GAB3: variants seen among roughly 807,000 people sequenced by gnomAD.
The protein encoded by GAB3 is GRB2-associated-binding protein 3.
GAB3 carries 12 observed loss-of-function variants against 40.4 expected under a neutral mutation model. That is an observed-to-expected ratio of 0.30 (90% confidence interval 0.19 to 0.48). The LOEUF is 0.48. GAB3 is among the 20% of genes least tolerant of loss of function. The pLI is 0.99. For synonymous variants in GAB3, 154 were observed against 176.7 expected (o/e 0.87, Z 1.02); for missense variants, 381 against 461.9 (o/e 0.82, Z 1.61).
intron 4 of GAB3, among the ~76,000 whole-genome samples, chrX:154,706,747 T>TA (rs200277618): frequency 0.09 from 9,325 of 103,663 alleles, 1,185 homozygotes; most frequent in African/African-American, 0.31. Context: ...ACCCTGCCTC[T>TA]AAAAAAAAAA....
At position 154,699,246 on chromosome X, in the gene GAB3, G is replaced by A. The variant is rs782815372; in HGVS notation, c.1345+48C>T. ...AGAAACCTTTTCTATGCAACCACCG[G>A]AACCTTGCTCCCCTACCCCTGTACA... On this transcript the variant is annotated intron_variant, in intron 6 of 9. Transcript: ENST00000424127. 3.8e-6 allele frequency: 4 copies of A among 1,050,523 alleles called. No homozygotes were observed. The African/African-American group carries it at 7.5e-5, about 20-fold the overall frequency. 86.6% of individuals were successfully genotyped at this position (1,050,523 alleles called of 1,213,427 possible). A position where few individuals can be genotyped will look rare whatever the true frequency, so the allele number is the denominator to read the frequency against.
intron 4 of GAB3, among the ~76,000 whole-genome samples, chrX:154,702,829 T>C (rs782206599): frequency 8.9e-6 from 1 of 112,155 alleles, no homozygotes; most frequent in South Asian, 3.7e-4. Context: ...TCAATGTTAC[T>C]GATCATCAGA....
Position 154,700,058 on chromosome X carries a change from A to G in GAB3, c.1071T>C (p.Ala357=). 4 of 1,205,538 alleles carry G rather than the reference A, an allele frequency of 3.3e-6. No individual in the cohort carries two copies. The highest frequency in any genetic ancestry group is 3.4e-6 in the Non-Finnish European group (3 of 890,524). The part of the protein sequence containing the change: ...SGLDNMRTWK[A]DVEGQSLRHR... ...GTCTTAAGGATTGGCCTTCTACATC[A>G]GCTGCAAGAAATAAGCCAAGGTGGT... The change falls in exon 5 of 10, where the codon GCT becomes GCC. Residue 357 remains alanine, a splice_region_variant and synonymous_variant. Coordinates refer to ENST00000424127, the MANE Select transcript of GAB3 (RefSeq NM_001081573.3).
At chrX:154,709,147 C>A (rs782528114) in intron 4 of GAB3, among the ~76,000 whole-genome samples, 1 of 98,929 alleles carries the variant, frequency 1.0e-5, no homozygotes, top group East Asian at 3.1e-4. Context: ...CCCCTTCACT[C>A]TCTTCCTCCT....
chrX:154,709,142 TCAC>T (rs1191779100), intron 4 of GAB3, among the ~76,000 whole-genome samples: 4 of 89,490 alleles, frequency 4.5e-5, no homozygotes, highest in African/African-American at 7.8e-5. Context: ...ACCTCCCCCT[TCAC>T]TCTCTTCCTC....
rs141475587 is a variant in GAB3 at position 154,699,469 on chromosome X, G to A, written c.1170C>T (p.Ile390=). The change falls in exon 6 of 10, where the codon ATC becomes ATT. Residue 390 remains isoleucine (I), a synonymous_variant. Transcript: ENST00000424127. The part of the protein sequence containing the change: ...SPMYPTASAS[I]EDSYVPMSPQ... ...GGCTCATGGGCACATAGCTGTCTTCGATACTGGCTGAAGCTGTGGGGTACA... is the reference window on the plus strand; with the variant it reads ...GGCTCATGGGCACATAGCTGTCTTCAATACTGGCTGAAGCTGTGGGGTACA... 1.2e-4 allele frequency: 147 copies of A among 1,210,107 alleles called. No individual in the cohort carries two copies. In the East Asian group the frequency reaches 1.5e-3, roughly 12 times the overall value.
At chrX:154,739,950 A>T (rs1557261004) in intron 1 of GAB3, among the ~76,000 whole-genome samples, 1 of 112,416 alleles carries the variant, frequency 8.9e-6, no homozygotes, top group African/African-American at 3.2e-5. Flanking sequence ...TCACTCACAA[A>T]GAAATTTAAT....
chrX:154,716,173 G>A lies in GAB3; in HGVS notation c.229C>T (p.Arg77Trp). 5 of 1,212,249 alleles carry A rather than the reference G, an allele frequency of 4.1e-6. No homozygotes were observed. The highest frequency in any genetic ancestry group is 4.5e-6 in the Non-Finnish European group (4 of 895,561). Residue 77 changes from arginine (R) to tryptophan (W), a missense_variant, in exon 2 of 10, where the codon CGG becomes TGG. Arg to Trp is a moderately radical substitution (Grantham distance 101). Coordinates refer to ENST00000424127, the MANE Select transcript of GAB3 (RefSeq NM_001081573.3). ...VWKHVGPSFV[R>W]KEFQNNFVFI... Reference sequence around the variant, plus strand: ...ACGAAATTATTCTGAAATTCCTTCCGAACAAAGCTGGGGCCCACATGCTTC... The same window carrying A: ...ACGAAATTATTCTGAAATTCCTTCCAAACAAAGCTGGGGCCCACATGCTTC...
chrX:154,736,054 G>A (rs1035802583), intron 1 of GAB3, among the ~76,000 whole-genome samples: 17 of 112,700 alleles, frequency 1.5e-4, no homozygotes, highest in Non-Finnish European at 5.6e-5. Flanking sequence ...AGGAGCTGCC[G>A]CTGTTGGAAG....
chrX:154,699,654 C>T, intron 5 of GAB3, 141 bp from the exon 6 acceptor site: 2 of 508,764 alleles, frequency 3.9e-6, no homozygotes, highest in South Asian at 6.5e-5. Flanking sequence ...GTCAGACAAG[C>T]CTCTAGCTCA....
Position 154,678,115 on chromosome X carries a change from A to G in GAB3, c.*63T>C. ...TTTTAGTGGACAAAAAAAAAAAAAA[A>G]AGAAAAAACTCAAACTGAGCCCCAA... On this transcript the variant is annotated 3_prime_UTR_variant, in exon 10 of 10. Coordinates refer to ENST00000424127, the MANE Select transcript of GAB3 (RefSeq NM_001081573.3). The G allele has an allele frequency of 1.7e-6, 1 of 594,568 alleles. No individual in the cohort carries two copies. Among genetic ancestry groups the G allele is most frequent in the African/African-American group, 2.3e-5 (1 of 43,391 alleles). The allele number at this position is 594,568 out of a possible 1,213,427, so 49.0% of individuals were successfully genotyped here.
rs781839941 is a variant in GAB3 at position 154,713,306 on chromosome X, G to T, written c.497C>A (p.Ala166Asp). Reference sequence around the variant, plus strand: ...ACTTCTGGTTTCCTCAGTGGCTACGGCATTAGTGTTTGGGTCATCTCTTGG... The same window carrying T: ...ACTTCTGGTTTCCTCAGTGGCTACGTCATTAGTGTTTGGGTCATCTCTTGG... ...SLPRDDPNTN[A>D]VATEETRSES... The change falls in exon 3 of 10, where the codon GCC (alanine) becomes GAC (aspartate). Residue 166 changes from alanine to aspartate, a missense_variant. This residue lies in a region of GAB3 where 364 missense variants were observed against 421.0 expected (regional missense o/e 0.86). Transcript: ENST00000424127. 2 of 1,207,949 alleles carry T rather than the reference G, an allele frequency of 1.7e-6. No individual in the cohort carries two copies. The highest frequency in any genetic ancestry group is 2.2e-6 in the Non-Finnish European group (2 of 894,169).
chrX:154,713,742 CATAT>C (rs59885867), intron 2 of GAB3, among the ~76,000 whole-genome samples: 835 of 19,617 alleles, frequency 0.043, 10 homozygotes, highest in Admixed American at 0.098. Flanking sequence ...AACTAACAAA[CATAT>C]ATATATATAT....
At chrX:154,690,082 G>A (rs1483955305) in intron 8 of GAB3, among the ~76,000 whole-genome samples, 7 of 109,120 alleles carry the variant, frequency 6.4e-5, no homozygotes, top group African/African-American at 2.3e-4. Context: ...TAGATCAATG[G>A]AACAGAACAG....
chrX:154,719,305 A>G (rs1296609474), intron 1 of GAB3, among the ~76,000 whole-genome samples: 1 of 112,497 alleles, frequency 8.9e-6, no homozygotes, highest in East Asian at 2.8e-4. Flanking sequence ...ATGGGCAACA[A>G]GGGAGTGAGC....
chrX:154,709,423 C>A (rs183087012), intron 4 of GAB3, among the ~76,000 whole-genome samples: 1 of 107,985 alleles, frequency 9.3e-6, no homozygotes, highest in African/African-American at 3.4e-5. Context: ...CAGGTTCAAG[C>A]GATTCTCCTG....
intron 7 of GAB3, 144 bp from the exon 8 acceptor site, chrX:154,696,163 G>A: frequency 2.8e-6 from 1 of 352,877 alleles, no homozygotes; most frequent in Admixed American, 4.3e-5. Context: ...TCCTGAAGAG[G>A]CACAAAATGC....
intron 8 of GAB3, among the ~76,000 whole-genome samples, chrX:154,689,094 T>G (rs782512112): frequency 9.0e-6 from 1 of 111,531 alleles, no homozygotes; most frequent in Non-Finnish European, 1.9e-5. Context: ...ATCCCTGGGA[T>G]GCAAGGCTGG....
At chrX:154,733,283 G>A (rs1557260158) in intron 1 of GAB3, among the ~76,000 whole-genome samples, 1 of 112,228 alleles carries the variant, frequency 8.9e-6, no homozygotes, top group Non-Finnish European at 1.9e-5. Flanking sequence ...TATGTGTCAC[G>A]TCCCTTTGTG....
Sources: allele counts gnomAD v4.1 joint callset (sites outside exome capture counted in the v4.1 genomes callset), GRCh38; gene constraint gnomAD v4.1.1; regional missense constraint gnomAD v4.1.1; transcripts MANE v1.5; gene names NCBI Gene and HGNC (gene_info 2026-07-23, HGNC 2026-07-21).